MTHFD2L: variants seen among roughly 807,000 people sequenced by gnomAD.
MTHFD2L encodes the protein bifunctional methylenetetrahydrofolate dehydrogenase/cyclohydrolase 2, mitochondrial.
MTHFD2L carries 29 observed loss-of-function variants against 34.9 expected under a neutral mutation model. The ratio of observed to expected loss-of-function variants is 0.83; its 90% CI spans 0.62 to 1.13. The LOEUF (loss-of-function observed/expected upper bound fraction) is 1.13. Ranked by LOEUF, MTHFD2L falls within the 50% of genes most tolerant of loss-of-function variation. The pLI is 0.00. For missense variants in MTHFD2L, 481 were observed against 446.5 expected (o/e 1.08, Z -0.70); for synonymous variants, 167 against 155.7 (o/e 1.07, Z -0.54).
intron 6 of MTHFD2L, among the ~76,000 whole-genome samples, chr4:74,233,221 A>C (rs550586977): frequency 3.3e-5 from 5 of 152,222 alleles, no homozygotes; most frequent in Non-Finnish European, 7.4e-5. Flanking sequence ...ATTACCAATC[A>C]GTATACTATG....
upstream of MTHFD2L, among the ~76,000 whole-genome samples, chr4:74,118,927 A>T (rs1204469626): frequency 9.2e-5 from 14 of 152,182 alleles, no homozygotes; most frequent in Admixed American, 9.2e-4. Context: ...CATGCTCCTT[A>T]TAAAGTCTAA....
chr4:74,225,104 T>G (rs1269259366), intron 5 of MTHFD2L, among the ~76,000 whole-genome samples, 198 bp from the exon 6 acceptor site: 3 of 152,180 alleles, frequency 2.0e-5, no homozygotes, highest in Non-Finnish European at 4.4e-5. Flanking sequence ...CTCATTGATT[T>G]TCCTTTCATT....
rs913497804 is a variant in MTHFD2L at position 74,301,549 on chromosome 4, G to A, written c.932-148G>A. ...AGTGTGAGCGTGTGTGTGTGTGTGTGTGTGTGTGTCTGTTTATTACAGCCT... is the reference window on the plus strand; with the variant it reads ...AGTGTGAGCGTGTGTGTGTGTGTGTATGTGTGTGTCTGTTTATTACAGCCT... On this transcript the variant is annotated intron_variant, in intron 7 of 7. Transcript: ENST00000325278. 2.6e-5 allele frequency: 14 copies of A among 531,048 alleles called. No individual in the cohort carries two copies. The Admixed American group carries it at 3.9e-4, about 15-fold the overall frequency. The allele number at this position is 531,048 out of a possible 1,614,324, so 32.9% of individuals were successfully genotyped here.
chr4:74,145,999 C>T (rs1291363963), intron 1 of MTHFD2L, among the ~76,000 whole-genome samples: 1 of 152,142 alleles, frequency 6.6e-6, no homozygotes, highest in East Asian at 1.9e-4. Flanking sequence ...TCTCAGGTAT[C>T]GCTTTATAAG....
At chr4:74,273,243 G>T (rs1251023899) in intron 6 of MTHFD2L, among the ~76,000 whole-genome samples, 1 of 152,034 alleles carries the variant, frequency 6.6e-6, no homozygotes, top group Non-Finnish European at 1.5e-5. Context: ...TTTCTGTTCT[G>T]ACAGGGGCTT....
Position 74,201,287 on chromosome 4 carries a change from T to A in MTHFD2L, c.629T>A (p.Val210Glu). Residue 210 changes from valine to glutamate, a missense_variant, in exon 5 of 8, where the codon GTG (valine) becomes GAG (glutamate). Coordinates refer to ENST00000325278, the MANE Select transcript of MTHFD2L (RefSeq NM_001144978.3). ...GGAATTCAAACATTTGGAAAAAATG[T>A]GGTTGTGGCTGGAAGATCCAAGAAC... ...RTGIQTFGKN[V>E]VVAGRSKNVG... is the part of the protein sequence containing the mutation. The A allele has an allele frequency of 2.5e-6, 4 of 1,613,578 alleles. No homozygotes were observed. The highest frequency in any genetic ancestry group is 3.4e-6 in the Non-Finnish European group (4 of 1,179,708).
intron 7 of MTHFD2L, among the ~76,000 whole-genome samples, chr4:74,294,251 T>A (rs1222859158): frequency 6.6e-6 from 1 of 152,220 alleles, no homozygotes; most frequent in African/African-American, 2.4e-5. Context: ...AAATTAATTC[T>A]GCTTAGATAC....
chr4:74,121,526 G>A (rs1721758915), upstream of MTHFD2L, among the ~76,000 whole-genome samples: 1 of 149,640 alleles, frequency 6.7e-6, no homozygotes, highest in African/African-American at 2.5e-5. Flanking sequence ...GGACTATCTA[G>A]TTGCAGGAAA....
chr4:74,283,351 A>T (rs1350497430), intron 7 of MTHFD2L, among the ~76,000 whole-genome samples: 1 of 152,150 alleles, frequency 6.6e-6, no homozygotes, highest in Non-Finnish European at 1.5e-5. Context: ...TGGTGGGTGT[A>T]TATGCTTAGT....
At chr4:74,114,604 C>T (rs1168014825) in exon 2 of MTHFD2L, 3 of 152,044 alleles carry the variant, frequency 2.0e-5, no homozygotes, top group Non-Finnish European at 2.9e-5. Flanking sequence ...GGTAGCCTAC[C>T]GGACCTACAG....
At chr4:74,217,436 T>C (rs1737381016) in intron 5 of MTHFD2L, among the ~76,000 whole-genome samples, 1 of 151,878 alleles carries the variant, frequency 6.6e-6, no homozygotes, top group South Asian at 2.1e-4. Context: ...CTAAAAGAGA[T>C]CTCAGGCTTC....
chr4:74,191,696 A>G (rs1578413435), intron 3 of MTHFD2L, among the ~76,000 whole-genome samples: 1 of 151,882 alleles, frequency 6.6e-6, no homozygotes, highest in Admixed American at 6.6e-5. Context: ...GATTACAGGC[A>G]CCTGCCACCA....
chr4:74,159,122 G>A (rs1156563192), intron 1 of MTHFD2L, among the ~76,000 whole-genome samples: 1 of 152,184 alleles, frequency 6.6e-6, no homozygotes, highest in Non-Finnish European at 1.5e-5. Context: ...GACTGGTAAC[G>A]TGGAAACTTA....
At chr4:74,133,274 T>C (rs1722684154) in intron 1 of MTHFD2L, among the ~76,000 whole-genome samples, 1 of 152,166 alleles carries the variant, frequency 6.6e-6, no homozygotes, top group Admixed American at 6.6e-5. Flanking sequence ...GTTCAATTAT[T>C]ATATGCCTTG....
chr4:74,242,992 TA>T (rs1199611007), intron 6 of MTHFD2L, among the ~76,000 whole-genome samples: 1 of 152,210 alleles, frequency 6.6e-6, no homozygotes, highest in Admixed American at 6.5e-5. Flanking sequence ...TCTACTCTAA[TA>T]GACACTAATC....
chr4:74,299,094 G>T (rs1376724428), intron 7 of MTHFD2L, among the ~76,000 whole-genome samples: 2 of 151,742 alleles, frequency 1.3e-5, no homozygotes, highest in Non-Finnish European at 2.9e-5. Flanking sequence ...TAATATCAAA[G>T]CTGCTTTACC....
chr4:74,274,945 A>AT (rs1216651761), intron 6 of MTHFD2L, among the ~76,000 whole-genome samples: 1 of 152,106 alleles, frequency 6.6e-6, no homozygotes, highest in African/African-American at 2.4e-5. Flanking sequence ...GCAAGTCTTT[A>AT]TTTTTTAATT....
chr4:74,188,143 A>G (rs1731690996), intron 3 of MTHFD2L, among the ~76,000 whole-genome samples: 1 of 152,212 alleles, frequency 6.6e-6, no homozygotes, highest in Admixed American at 6.5e-5. Flanking sequence ...TTTAAATAAA[A>G]TTATATGAAA....
rs373810041 is a variant in MTHFD2L at position 74,201,212 on chromosome 4, A to C, written c.605-51A>C. ...TTTCAGTTGGCTGTACAAATGTTTA[A>C]TTTACTTCTTGTTGTCAATTCTGCA... is the stretch of plus-strand genomic sequence containing the variant. On this transcript the variant is annotated intron_variant, in intron 4 of 7. Transcript: ENST00000325278. 1.1e-5 allele frequency: 16 copies of C among 1,405,146 alleles called. No homozygotes were observed. The African/African-American group carries it at 2.0e-4, about 17-fold the overall frequency. 87.0% of individuals were successfully genotyped at this position (1,405,146 alleles called of 1,614,324 possible). A position where few individuals can be genotyped will look rare whatever the true frequency, so the allele number is the denominator to read the frequency against.
Sources: gnomAD v4.1 joint callset for allele counts (sites outside exome capture counted in the v4.1 genomes callset) on GRCh38, gnomAD v4.1.1 for gene constraint, MANE v1.5 for transcripts, NCBI Gene and HGNC (gene_info 2026-07-23, HGNC 2026-07-21) for gene names.